Variants in SEC14L1 observed in about 807,000 individuals in gnomAD.
SEC14L1 encodes SEC14 like lipid binding 1.
Under a neutral mutation model 85.3 loss-of-function variants are expected in SEC14L1, and 48 were observed. That is an observed-to-expected ratio of 0.56 (90% CI 0.45 to 0.72). The LOEUF (loss-of-function observed/expected upper bound fraction) is 0.72, where lower values mean the gene tolerates loss of function less well. Ranked by LOEUF, SEC14L1 falls within the 30% of genes least tolerant of loss-of-function variation. The pLI is 0.00. For missense variants in SEC14L1, 682 were observed against 921.4 expected (o/e 0.74, Z 3.36); for synonymous variants, 391 against 355.5 (o/e 1.10, Z -1.12).
At chr17:77,152,091 G>A (rs926581519) in intron 3 of SEC14L1, among the ~76,000 whole-genome samples, 4 of 152,176 alleles carry the variant, frequency 2.6e-5, no homozygotes, top group Non-Finnish European at 5.9e-5. Flanking sequence ...CCCTGCCTCA[G>A]CCTGCTGAGT....
intron 15 of SEC14L1, 148 bp downstream of exon 15, chr17:77,212,349 C>T (rs1024319627): frequency 1.7e-6 from 2 of 1,177,290 alleles, no homozygotes; most frequent in Non-Finnish European, 2.4e-6. Context: ...CCTGGAGGAG[C>T]AGGAAGCCAA....
At chr17:77,168,769 A>G (rs1974399736) in intron 3 of SEC14L1, among the ~76,000 whole-genome samples, 1 of 152,166 alleles carries the variant, frequency 6.6e-6, no homozygotes, top group Non-Finnish European at 1.5e-5. Context: ...TGGTGGGCCT[A>G]ATTGTTCAGC....
At position 77,102,325 on chromosome 17, in the gene SEC14L1, T is replaced by A. The variant is rs573950174; in HGVS notation, c.-136+8978T>A. On this transcript the variant is annotated intron_variant, in intron 3 of 19. Transcript: ENST00000392476. ...GAAAACAGTTATCTTCCTTGATGATTACAGTTCACGTGGGTGGCTCAGGTC... is the reference window on the plus strand; with the variant it reads ...GAAAACAGTTATCTTCCTTGATGATAACAGTTCACGTGGGTGGCTCAGGTC... Among the ~76,000 whole-genome samples, 8 of 152,292 alleles carry A rather than the reference T, an allele frequency of 5.3e-5. No individual in the cohort carries two copies. The South Asian group carries it at 1.7e-3, about 32-fold the overall frequency.
intron 3 of SEC14L1, among the ~76,000 whole-genome samples, chr17:77,100,428 CT>C (rs1188386603): frequency 9.8e-4 from 25 of 25,576 alleles, no homozygotes; most frequent in East Asian, 3.9e-3. Flanking sequence ...CTCTCTCTCT[CT>C]TTTTTTTTTT....
rs374759819 is a variant in SEC14L1, at chr17:77,194,893, G to A, written c.691G>A (p.Val231Met). 1.5e-4 allele frequency: 239 copies of A among 1,613,836 alleles called. No individual in the cohort carries two copies. Among genetic ancestry groups the A allele is most frequent in the Non-Finnish European group, 1.7e-4 (203 of 1,179,826 alleles). Residue 231 changes from valine (V) to methionine (M), a missense_variant, in exon 7 of 17, where the codon GTG becomes ATG. Transcript: ENST00000436233. Reference protein sequence around the residue: ...ALSSPSAPEPVVGTPDDKLDA... With the variant: ...ALSSPSAPEPMVGTPDDKLDA... ...CAGCAGCCCCAGCGCACCTGAGCCC[G>A]TGGTGGGCACCCCTGACGGTGGGTC...
chr17:77,201,575 C>T (rs1311303481), intron 9 of SEC14L1, among the ~76,000 whole-genome samples: 2 of 152,094 alleles, frequency 1.3e-5, no homozygotes, highest in South Asian at 2.1e-4. Flanking sequence ...CTCAGCCTCC[C>T]GAGTAGTTGG....
chr17:77,159,106 A>AC (rs1218192228), intron 3 of SEC14L1, among the ~76,000 whole-genome samples: 1 of 144,376 alleles, frequency 6.9e-6, no homozygotes, highest in Non-Finnish European at 1.5e-5. Flanking sequence ...TCACTCTGTC[A>AC]CCCAGGCTGG....
intron 3 of SEC14L1, among the ~76,000 whole-genome samples, chr17:77,169,858 G>C (rs1974449762): frequency 6.6e-6 from 1 of 152,184 alleles, no homozygotes; most frequent in South Asian, 2.1e-4. Flanking sequence ...TGTTGGAGTT[G>C]ACAGGTGGAG....
chr17:77,131,402 T>C (rs1972607246), intron 3 of SEC14L1, among the ~76,000 whole-genome samples: 1 of 152,166 alleles, frequency 6.6e-6, no homozygotes, highest in East Asian at 1.9e-4. Context: ...CCCAAGTAGC[T>C]GGGATGACAG....
In SEC14L1 at chr17:77,188,272, C is replaced by G. The variant is rs140519409; in HGVS notation, c.64-2531C>G. On this transcript the variant is annotated intron_variant, in intron 3 of 16. Coordinates refer to ENST00000436233, the MANE Select transcript of SEC14L1 (RefSeq NM_001143998.2). ...CTTCCCAGGCATCTCTCTCATGGCC[C>G]TTTTACAGCCACACCTGCTTCGCTC... Among the ~76,000 whole-genome samples the G allele has an allele frequency of 9.2e-3, 1,404 of 152,296 alleles. 8 individuals carry two copies. Among genetic ancestry groups the G allele is most frequent in the Middle Eastern group, 0.024 (7 of 294 alleles).
At chr17:77,142,205 C>T (rs922778958) in intron 1 of SEC14L1, among the ~76,000 whole-genome samples, 1 of 152,126 alleles carries the variant, frequency 6.6e-6, no homozygotes, top group Non-Finnish European at 1.5e-5. Flanking sequence ...ATGTTTTCCA[C>T]CATGACCTCT....
intron 3 of SEC14L1, among the ~76,000 whole-genome samples, chr17:77,117,113 C>T (rs142715623): frequency 0.011 from 1,714 of 152,236 alleles, 38 homozygotes; most frequent in Admixed American, 0.043. Context: ...TTTGGGAGGC[C>T]GAGGCGGGTG....
chr17:77,214,588 C>T lies in SEC14L1; in HGVS notation c.*565C>T. The T allele has an allele frequency of 1.0e-6, 1 of 988,086 alleles. No individual in the cohort carries two copies. Among genetic ancestry groups the T allele is most frequent in the Non-Finnish European group, 1.2e-6 (1 of 831,684 alleles). 61.2% of individuals were successfully genotyped at this position (988,086 alleles called of 1,614,324 possible). The stretch of plus-strand genomic sequence containing the variant: ...AGAGGTTGCCTGCGGAGTACCTTGT[C>T]CCAGGGCCAGACACACCCACACCAC... On this transcript the variant is annotated 3_prime_UTR_variant, in exon 17 of 17. Transcript: ENST00000436233.
At chr17:77,167,245 C>T (rs1209061639) in intron 3 of SEC14L1, among the ~76,000 whole-genome samples, 2 of 151,162 alleles carry the variant, frequency 1.3e-5, no homozygotes, top group Non-Finnish European at 2.9e-5. Flanking sequence ...AGCAATTCTC[C>T]TGCCTCAGCC....
upstream of SEC14L1, among the ~76,000 whole-genome samples, chr17:77,136,176 C>G (rs1004884251): frequency 6.6e-6 from 1 of 151,062 alleles, no homozygotes; most frequent in East Asian, 1.9e-4. Context: ...CGCCTGGCCC[C>G]TTCTCTTTCT....
chr17:77,190,993 T>G (rs756936716), intron 4 of SEC14L1, 41 bp downstream of exon 4: 11 of 1,605,822 alleles, frequency 6.9e-6, no homozygotes, highest in Non-Finnish European at 9.4e-6. Flanking sequence ...AAGGGCGTCC[T>G]GGTGGGAGAG....
At chr17:77,162,042 C>T (rs980214059) in intron 3 of SEC14L1, among the ~76,000 whole-genome samples, 1 of 151,718 alleles carries the variant, frequency 6.6e-6, no homozygotes, top group Non-Finnish European at 1.5e-5. Context: ...TTCTGCAGGT[C>T]GTCTATGAAT....
At chr17:77,143,153 G>A (rs1973135318) in intron 2 of SEC14L1, among the ~76,000 whole-genome samples, 1 of 152,054 alleles carries the variant, frequency 6.6e-6, no homozygotes, top group South Asian at 2.1e-4. Context: ...ATCTTAACAC[G>A]AGATCATTTT....
chr17:77,171,002 T>C (rs1974500824), intron 3 of SEC14L1, among the ~76,000 whole-genome samples: 1 of 152,232 alleles, frequency 6.6e-6, no homozygotes, highest in Non-Finnish European at 1.5e-5. Context: ...TATTAATAAA[T>C]AGTTAACATG....
Sources: allele counts gnomAD v4.1 joint callset (sites outside exome capture counted in the v4.1 genomes callset), GRCh38; gene constraint gnomAD v4.1.1; transcripts MANE v1.5; gene names NCBI Gene and HGNC (gene_info 2026-07-23, HGNC 2026-07-21).